The following PCP4 variants were observed in gnomAD, a reference collection of about 807,000 sequenced individuals.
PCP4 encodes the protein Purkinje cell protein 4, also known as calmodulin regulator protein PCP4.
PCP4 carries 8 observed loss-of-function variants against 10.0 expected under a neutral mutation model. The ratio of observed to expected loss-of-function variants is 0.80; its 90% CI spans 0.47 to 1.45. The LOEUF is 1.45. Ranked by LOEUF, PCP4 falls within the 40% of genes most tolerant of loss-of-function variation. PCP4 has a pLI of 0.00. For synonymous variants in PCP4, 21 were observed against 23.0 expected (o/e 0.91, Z 0.24); for missense variants, 54 against 74.4 (o/e 0.73, Z 1.01).
In PCP4 at chr21:39,906,133, G is replaced by GA. The variant is rs2087507847; in HGVS notation, c.61+7606_61+7607insA. 2.6e-5 allele frequency among the ~76,000 whole-genome samples: 4 copies of GA among 152,190 alleles called. No individual in the cohort carries two copies. Among genetic ancestry groups the GA allele is most frequent in the African/African-American group, 9.6e-5 (4 of 41,454 alleles). On this transcript the variant is annotated intron_variant, in intron 2 of 2. Transcript: ENST00000328619. The surrounding 1 kb of genome is among the most constrained non-coding windows in gnomAD (Gnocchi z 6.3). ...GGAGAGGATCTCAGGCAAAGTTGCTGGTGAACTCAGGATTGTCCTAAGGTC... is the reference window on the plus strand; with the variant it reads ...GGAGAGGATCTCAGGCAAAGTTGCTGAGTGAACTCAGGATTGTCCTAAGGTC...
At chr21:39,876,865 T>C (rs2087348713) in intron 1 of PCP4, among the ~76,000 whole-genome samples, 2 of 152,182 alleles carry the variant, frequency 1.3e-5, no homozygotes, top group African/African-American at 4.8e-5. Flanking sequence ...CCACTGAACA[T>C]GGTGGCTCTG....
chr21:39,883,992 G>A (rs550357892), intron 1 of PCP4, among the ~76,000 whole-genome samples: 1 of 152,290 alleles, frequency 6.6e-6, no homozygotes, highest in African/African-American at 2.4e-5. Flanking sequence ...AACAGACACT[G>A]AGGCTCAGAG....
Position 39,929,315 on chromosome 21 carries a change from CTA to C in PCP4, c.*206_*207del. On this transcript the variant is annotated 3_prime_UTR_variant, in exon 3 of 3. Coordinates refer to ENST00000328619, the MANE Select transcript of PCP4 (RefSeq NM_006198.3). ...AATGGAATTGTGAGTAGCTTAATCT[CTA>C]TGTTTCTCTCCATTTTCATTCCTCC... 1 of 390,010 alleles carries C rather than the reference CTA, an allele frequency of 2.6e-6. No individual in the cohort carries two copies. The highest frequency in any genetic ancestry group is 4.5e-6 in the Non-Finnish European group (1 of 221,152). 24.2% of individuals were successfully genotyped at this position (390,010 alleles called of 1,614,324 possible). A position where few individuals can be genotyped will look rare whatever the true frequency, so the allele number is the denominator to read the frequency against.
chr21:39,872,865 T>G (rs2087326916), intron 1 of PCP4, among the ~76,000 whole-genome samples: 1 of 152,216 alleles, frequency 6.6e-6, no homozygotes, highest in African/African-American at 2.4e-5. Context: ...TACTCCTGGT[T>G]TGAAACCTGT....
At position 39,917,139 on chromosome 21, in the gene PCP4, A is replaced by G. The variant is rs545579988; in HGVS notation, c.62-11845A>G. ...CTGGGAGGCAGAGAGCTCAGCCTAG[A>G]TGGTGTCCAGCCAGAAACAATTCAT... On this transcript the variant is annotated intron_variant, in intron 2 of 2. Coordinates refer to ENST00000328619, the MANE Select transcript of PCP4 (RefSeq NM_006198.3). Among the ~76,000 whole-genome samples, 7 of 152,348 alleles carry G rather than the reference A, an allele frequency of 4.6e-5. 1 individual carries two copies. The South Asian group carries it at 1.4e-3, about 32-fold the overall frequency.
At chr21:39,887,742 T>A (rs2087407480) in intron 1 of PCP4, among the ~76,000 whole-genome samples, 1 of 152,190 alleles carries the variant, frequency 6.6e-6, no homozygotes, top group South Asian at 2.1e-4. Context: ...CAAAGATGGA[T>A]CATCTAAGAG....
chr21:39,868,849 G>T (rs1401475629), intron 1 of PCP4, among the ~76,000 whole-genome samples: 1 of 152,132 alleles, frequency 6.6e-6, no homozygotes, highest in African/African-American at 2.4e-5. Flanking sequence ...GTCTAAATGT[G>T]TATGGAATTT....
Position 39,881,399 on chromosome 21 carries a change from C to T in PCP4, c.9+13889C>T, listed in dbSNP as rs377212221. Among the ~76,000 whole-genome samples the T allele has an allele frequency of 4.6e-5, 7 of 152,258 alleles. No homozygotes were observed. The East Asian group carries it at 1.4e-3, about 29-fold the overall frequency. On this transcript the variant is annotated intron_variant, in intron 1 of 2. Coordinates refer to ENST00000328619, the MANE Select transcript of PCP4 (RefSeq NM_006198.3). ...GTCATTGCGGGAACAGTGGCATTAG[C>T]CTCCATAGGAAAAGGGTTTGCATGG...
At chr21:39,910,843 C>T (rs3819597) in intron 2 of PCP4, among the ~76,000 whole-genome samples, 29,004 of 152,126 alleles carry the variant, frequency 0.19, 3,133 homozygotes, top group East Asian at 0.35. Flanking sequence ...AAACCTCATC[C>T]GACTCTTGGT....
intron 1 of PCP4, among the ~76,000 whole-genome samples, chr21:39,872,061 C>T (rs189840291): frequency 4.6e-5 from 7 of 152,190 alleles, no homozygotes; most frequent in South Asian, 2.1e-4. Flanking sequence ...TGCAGTAGCG[C>T]GATCTTGGCT....
intron 1 of PCP4, among the ~76,000 whole-genome samples, chr21:39,880,949 C>T (rs1025142717): frequency 6.6e-5 from 10 of 151,986 alleles, no homozygotes; most frequent in Admixed American, 2.0e-4. Flanking sequence ...GAACAAATAT[C>T]TATTATGAAG....
chr21:39,897,792 A>G (rs7279309), intron 1 of PCP4, among the ~76,000 whole-genome samples: 19,169 of 152,174 alleles, frequency 0.13, 1,442 homozygotes, highest in Middle Eastern at 0.23. Context: ...CACGCCTGTA[A>G]TCCCAGCACT....
rs200458389 is a variant in PCP4 at position 39,906,537 on chromosome 21, C to CTCCT, written c.61+8022_61+8025dup. 3.4e-5 allele frequency among the ~76,000 whole-genome samples: 5 copies of CTCCT among 147,602 alleles called. No individual in the cohort carries two copies. The highest frequency in any genetic ancestry group is 3.3e-4 in the Admixed American group (5 of 15,072). ...TCTTCCTCACCCTTTCTCTTTCTCC[C>CTCCT]TCCTTCCTTCCTTCCGCTCCTCCTT... is the stretch of plus-strand genomic sequence containing the variant. On this transcript the variant is annotated intron_variant, in intron 2 of 2. Transcript: ENST00000328619. This position sits in a 1 kb window ranked among gnomAD's most constrained non-coding sequence, Gnocchi z 6.3.
intron 2 of PCP4, among the ~76,000 whole-genome samples, chr21:39,915,702 A>G (rs2087565621): frequency 6.6e-6 from 1 of 152,232 alleles, no homozygotes; most frequent in Non-Finnish European, 1.5e-5. Flanking sequence ...CAGAAAACAG[A>G]TATGAACAGA....
intron 2 of PCP4, among the ~76,000 whole-genome samples, chr21:39,907,001 C>T (rs1195415580): frequency 6.6e-6 from 1 of 152,160 alleles, no homozygotes; most frequent in Non-Finnish European, 1.5e-5. Context: ...TTAATGTGCA[C>T]AGCAGGCAGT....
intron 2 of PCP4, among the ~76,000 whole-genome samples, chr21:39,913,550 C>T (rs1007272245): frequency 2.0e-5 from 3 of 152,242 alleles, no homozygotes; most frequent in African/African-American, 4.8e-5. Flanking sequence ...GAGTCGTATA[C>T]GGTAGCGTCT....
At chr21:39,899,973 T>C (rs1201459076) in intron 2 of PCP4, among the ~76,000 whole-genome samples, 1 of 150,270 alleles carries the variant, frequency 6.7e-6, no homozygotes, top group Non-Finnish European at 1.5e-5. Flanking sequence ...CCACTGAACC[T>C]CACAACCTTA....
intron 2 of PCP4, among the ~76,000 whole-genome samples, chr21:39,912,752 C>A (rs9982700): frequency 0.14 from 20,865 of 151,930 alleles, 1,597 homozygotes; most frequent in East Asian, 0.24. Flanking sequence ...GCTCTGTCTC[C>A]CAGGCTGGAG....
chr21:39,915,478 C>G (rs1266885020), intron 2 of PCP4, among the ~76,000 whole-genome samples: 1 of 152,146 alleles, frequency 6.6e-6, no homozygotes, highest in African/African-American at 2.4e-5. Flanking sequence ...TTAAAAGAAG[C>G]TGAAACCCCA....
Sources: gnomAD v4.1 joint callset for allele counts (sites outside exome capture counted in the v4.1 genomes callset) on GRCh38, gnomAD v4.1.1 for gene constraint, Gnocchi (gnomAD v3.1) non-coding constraint, MANE v1.5 for transcripts, NCBI Gene and HGNC (gene_info 2026-07-23, HGNC 2026-07-21) for gene names.